Variants in SLC22A7 observed in about 807,000 individuals in gnomAD.
SLC22A7 encodes the protein solute carrier family 22 member 7.
A neutral mutation model predicts 62.2 loss-of-function variants in SLC22A7; 48 were observed. The observed-to-expected ratio is 0.77, with a 90% confidence interval of 0.61 to 0.98. The LOEUF is 0.98. SLC22A7 is among the 50% of genes least tolerant of loss of function. The probability of loss-of-function intolerance (pLI) is 0.00; values close to 1 mark genes in which losing one functional copy is unlikely to be tolerated. For missense variants in SLC22A7, 581 were observed against 703.8 expected, an observed-to-expected ratio of 0.83 and a Z score of 1.97; for synonymous variants, 276 against 314.8, an observed-to-expected ratio of 0.88 and a Z score of 1.30.
intron 10 of SLC22A7, 127 bp from the exon 11 acceptor site, chr6:43,304,542 TGA>T (rs1427053126): frequency 2.7e-6 from 2 of 740,330 alleles, no homozygotes; most frequent in East Asian, 2.6e-5. Flanking sequence ...AGCATGTGTG[TGA>T]GTCACTTGTA....
Position 43,300,092 on chromosome 6 carries a change from C to T in SLC22A7, c.827+26C>T, listed in dbSNP as rs778495880. 1.4e-5 allele frequency: 23 copies of T among 1,609,920 alleles called. No homozygotes were observed. In the East Asian group the frequency reaches 1.8e-4, roughly 12 times the overall value. On this transcript the variant is annotated intron_variant, in intron 5 of 10. Transcript: ENST00000372585. ...GTGAGGACTGCAGGCAGCTGGGGAGCGGGAGATACAGGAAGTGAAAGATGA... is the reference window on the plus strand; with the variant it reads ...GTGAGGACTGCAGGCAGCTGGGGAGTGGGAGATACAGGAAGTGAAAGATGA...
intron 9 of SLC22A7, 135 bp from the exon 10 acceptor site, chr6:43,303,903 G>T: frequency 1.4e-6 from 1 of 704,180 alleles, no homozygotes; most frequent in Non-Finnish European, 2.2e-6. Flanking sequence ...CCAACTGAAA[G>T]AAGTCCTAGT....
At chr6:43,298,785 AGGGATGGGCCTGCCATTGCCTTGGGT>A in intron 1 of SLC22A7, 34 bp downstream of exon 1, 1 of 1,516,342 alleles carries the variant, frequency 6.6e-7, no homozygotes, top group Non-Finnish European at 8.8e-7. Flanking sequence ...GACATGTGAG[AGGGATGGGCCTGCCATTGCCTTGGGT>A]GGTTACTGTG....
chr6:43,299,946 G>A lies in SLC22A7; in HGVS notation c.707G>A (p.Ser236Asn). 3.1e-6 allele frequency: 5 copies of A among 1,614,180 alleles called. No individual in the cohort carries two copies. The highest frequency in any genetic ancestry group is 4.2e-6 in the Non-Finnish European group (5 of 1,180,028). The change falls in exon 5 of 11, where the codon AGC (serine) becomes AAC (asparagine). Residue 236 changes from serine (S) to asparagine (N), a missense_variant. Ser to Asn is a conservative substitution (Grantham distance 46, BLOSUM62 1). Coordinates refer to ENST00000372585, the MANE Select transcript of SLC22A7 (RefSeq NM_153320.2). The surrounding 1 kb of genome is among the most constrained non-coding windows in gnomAD (Gnocchi z 4.4). The part of the protein sequence containing the change: ...VEHRTVAGVL[S>N]STFWTGGVML... ...CACCGCACCGTGGCTGGAGTCCTGA[G>A]CAGCACCTTCTGGACAGGGGGCGTG... is the stretch of plus-strand genomic sequence containing the variant.
At chr6:43,301,761 AGT>A (rs1008224325) in intron 7 of SLC22A7, 69 bp downstream of exon 7, 12 of 1,132,240 alleles carry the variant, frequency 1.1e-5, no homozygotes, top group Admixed American at 1.0e-4. Context: ...GCTGGTGCTG[AGT>A]GTGAGAAGGG....
rs1393661660 is a variant in SLC22A7, at chr6:43,302,412, C to T, written c.1274C>T (p.Ser425Phe). 1 of 1,579,380 alleles carries T rather than the reference C, an allele frequency of 6.3e-7. No individual in the cohort carries two copies. Among genetic ancestry groups the T allele is most frequent in the Non-Finnish European group, 8.6e-7 (1 of 1,164,116 alleles). The change falls in exon 8 of 11, where the codon TCC becomes TTC. Residue 425 changes from serine to phenylalanine, a missense_variant and splice_region_variant. Physicochemically the swap from Ser to Phe is radical, Grantham distance 155. Transcript: ENST00000372585. This position sits in a 1 kb window ranked among gnomAD's most constrained non-coding sequence, Gnocchi z 5.0. ...LAFGTRLLVS[S>F]DMKSWSTVLA... Reference sequence around the variant, plus strand: ...TTCGGCACTAGACTGCTAGTGTCCTCCGGTGAGCCCAGTCCCATAGGTTCT... The same window carrying T: ...TTCGGCACTAGACTGCTAGTGTCCTTCGGTGAGCCCAGTCCCATAGGTTCT...
At chr6:43,300,216 A>T in intron 5 of SLC22A7, 150 bp downstream of exon 5, 1 of 731,908 alleles carries the variant, frequency 1.4e-6, no homozygotes, top group Non-Finnish European at 2.2e-6. Flanking sequence ...AGAGAAAAAG[A>T]GACAGAGAGA....
chr6:43,298,565 TC>T lies in SLC22A7; in HGVS notation c.211del (p.Arg71GlyfsTer73). The T allele has an allele frequency of 1.1e-5, 18 of 1,613,684 alleles. No individual in the cohort carries two copies. Among genetic ancestry groups the T allele is most frequent in the Non-Finnish European group, 1.3e-5 (15 of 1,179,892 alleles). On this transcript the variant is annotated frameshift_variant, in exon 1 of 11. Coordinates refer to ENST00000372585, the MANE Select transcript of SLC22A7 (RefSeq NM_153320.2). LOFTEE classifies it high-confidence loss of function. ...HQDVWLEAHL[P>X]REPDGTLSSC... ...AGGATGTGTGGCTGGAGGCCCATCT[TC>T]CCCGGGAGCCTGATGGCACGCTCAG...
chr6:43,304,652 A>C lies in SLC22A7; in HGVS notation c.1593-19A>C. On this transcript the variant is annotated intron_variant, in intron 10 of 10. Transcript: ENST00000372585. ...CGGGGATTAAACCCCACCATTGCTC[A>C]CAACTCCTTCCTCCCTAGTGCCCCA... 6.2e-7 allele frequency: 1 copy of C among 1,603,052 alleles called. No homozygotes were observed. Among genetic ancestry groups the C allele is most frequent in the African/African-American group, 1.3e-5 (1 of 74,732 alleles).
rs772239711 is a variant in SLC22A7, at chr6:43,304,151, G to A, written c.1499G>A (p.Gly500Glu). Residue 500 changes from glycine (G) to glutamate (E), a missense_variant, in exon 10 of 11, where the codon GGG (glycine) becomes GAG (glutamate). Transcript: ENST00000372585. ...WLSLPKLTYG[G>E]IALLAAGTAL... ...TCACTGCCCAAGCTTACTTATGGGG[G>A]GATCGCCCTGCTGGCTGCCGGCACC... 1.2e-6 allele frequency: 2 copies of A among 1,605,066 alleles called. No homozygotes were observed. Among genetic ancestry groups the A allele is most frequent in the South Asian group, 1.1e-5 (1 of 89,948 alleles).
intron 9 of SLC22A7, among the ~76,000 whole-genome samples, chr6:43,303,569 A>C (rs2150736662): frequency 6.6e-6 from 1 of 152,274 alleles, no homozygotes; most frequent in African/African-American, 2.4e-5. Flanking sequence ...TGGAAGGCAG[A>C]GATGCCCTTG....
rs1778729771 is a variant in SLC22A7, at chr6:43,301,149, C to G, written c.842C>G (p.Ser281Cys). 2.5e-6 allele frequency: 4 copies of G among 1,614,208 alleles called. No individual in the cohort carries two copies. Among genetic ancestry groups the G allele is most frequent in the Non-Finnish European group, 3.4e-6 (4 of 1,180,030 alleles). ...GILSLWWVPE[S>C]ARWLLTQGHV... ...CCTATTCCTAGGTGGGTGCCTGAGT[C>G]TGCACGCTGGCTTCTGACCCAAGGC... Residue 281 changes from serine (S) to cysteine (C), a missense_variant, in exon 6 of 11, where the codon TCT becomes TGT. Transcript: ENST00000372585.
At chr6:43,304,301 G>A (rs1778865295) in intron 10 of SLC22A7, 57 bp downstream of exon 10, 1 of 1,377,994 alleles carries the variant, frequency 7.3e-7, no homozygotes, top group African/African-American at 1.4e-5. Context: ...GGATGCAGGT[G>A]CTCAGATACC....
chr6:43,304,223 T>C lies in SLC22A7; in HGVS notation c.1571T>C (p.Ile524Thr). Reference protein sequence around the residue: ...ETRQAQLPETIQDVERKSAPT... With the variant: ...ETRQAQLPETTQDVERKSAPT... ...AGGCAGGCACAGCTGCCAGAGACCATCCAGGACGTGGAGAGAAAGAGGTGT... is the reference window on the plus strand; with the variant it reads ...AGGCAGGCACAGCTGCCAGAGACCACCCAGGACGTGGAGAGAAAGAGGTGT... Residue 524 changes from isoleucine (I) to threonine (T), a missense_variant, in exon 10 of 11, where the codon ATC (isoleucine) becomes ACC (threonine). Ile to Thr is a moderately conservative substitution (Grantham distance 89). Transcript: ENST00000372585. 1 of 1,572,424 alleles carries C rather than the reference T, an allele frequency of 6.4e-7. No individual in the cohort carries two copies.
Position 43,304,224 on chromosome 6 carries a change from C to A in SLC22A7, c.1572C>A (p.Ile524=). The A allele has an allele frequency of 6.4e-7, 1 of 1,571,460 alleles. No individual in the cohort carries two copies. ...ETRQAQLPET[I]QDVERKSAPT... Reference sequence around the variant, plus strand: ...GGCAGGCACAGCTGCCAGAGACCATCCAGGACGTGGAGAGAAAGAGGTGTG... The same window carrying A: ...GGCAGGCACAGCTGCCAGAGACCATACAGGACGTGGAGAGAAAGAGGTGTG... The change falls in exon 10 of 11, where the codon ATC becomes ATA. Residue 524 remains isoleucine (I), a synonymous_variant. Transcript: ENST00000372585.
At chr6:43,298,971 T>C in intron 1 of SLC22A7, 121 bp from the exon 2 acceptor site, 2 of 1,181,710 alleles carry the variant, frequency 1.7e-6, no homozygotes, top group South Asian at 3.0e-5. Flanking sequence ...TGGGAGGTGA[T>C]TAAGGCAGGG....
Position 43,302,338 on chromosome 6 carries a change from A to G in SLC22A7, c.1200A>G (p.Ala400=), listed in dbSNP as rs1316526582. The G allele has an allele frequency of 1.9e-6, 3 of 1,613,378 alleles. No homozygotes were observed. The highest frequency in any genetic ancestry group is 1.1e-5 in the South Asian group (1 of 91,032). ...TGGTCTACTTGTCGGTGCGCTACGC[A>G]GGACGCCGCCTCACGCAAGCCGGGA... is the stretch of plus-strand genomic sequence containing the variant. ...KLLVYLSVRY[A]GRRLTQAGTL... The change falls in exon 8 of 11, where the codon GCA becomes GCG. Residue 400 remains alanine (A), a synonymous_variant. Coordinates refer to ENST00000372585, the MANE Select transcript of SLC22A7 (RefSeq NM_153320.2). The surrounding 1 kb of genome is among the most constrained non-coding windows in gnomAD (Gnocchi z 5.0).
At position 43,299,796 on chromosome 6, in the gene SLC22A7, A is replaced by C. The variant is rs1176552130; in HGVS notation, c.658+15A>C. 3 of 1,614,088 alleles carry C rather than the reference A, an allele frequency of 1.9e-6. No homozygotes were observed. The highest frequency in any genetic ancestry group is 4.5e-5 in the East Asian group (2 of 44,902). On this transcript the variant is annotated intron_variant, in intron 4 of 10. Coordinates refer to ENST00000372585, the MANE Select transcript of SLC22A7 (RefSeq NM_153320.2). The surrounding 1 kb of genome is among the most constrained non-coding windows in gnomAD (Gnocchi z 4.4). ...GATGCCACTGGGTGAGGCAGGCAAGAAACAGGCAGGACCTAGAGGGCTGGA... is the reference window on the plus strand; with the variant it reads ...GATGCCACTGGGTGAGGCAGGCAAGCAACAGGCAGGACCTAGAGGGCTGGA...
Position 43,302,944 on chromosome 6 carries a change from C to T in SLC22A7, c.1385+181C>T, listed in dbSNP as rs1026939416. 4 of 258,896 alleles carry T rather than the reference C, an allele frequency of 1.5e-5. No individual in the cohort carries two copies. The South Asian group carries it at 5.8e-4, about 37-fold the overall frequency. 16.0% of individuals were successfully genotyped at this position (258,896 alleles called of 1,614,324 possible). On this transcript the variant is annotated intron_variant, in intron 9 of 10. Transcript: ENST00000372585. The surrounding 1 kb of genome is among the most constrained non-coding windows in gnomAD (Gnocchi z 5.0). ...CTGGTCTCAAACTCCTGGTCTCAAG[C>T]GATCCTCCCGCCTCAGCCTCCAAAA...
Sources: allele counts gnomAD v4.1 joint callset (sites outside exome capture counted in the v4.1 genomes callset), GRCh38; gene constraint gnomAD v4.1.1; non-coding constraint Gnocchi (gnomAD v3.1); transcripts MANE v1.5; gene names NCBI Gene and HGNC (gene_info 2026-07-23, HGNC 2026-07-21).